Variants in COL10A1 observed in about 807,000 individuals in gnomAD.
The protein encoded by COL10A1 is collagen type X alpha 1 chain.
Under a neutral mutation model 18.2 loss-of-function variants are expected in COL10A1, and 10 were observed. The ratio of observed to expected loss-of-function variants is 0.55; its 90% CI spans 0.34 to 0.93. The LOEUF (loss-of-function observed/expected upper bound fraction) is 0.93. COL10A1 is among the 40% of genes least tolerant of loss of function. The probability of loss-of-function intolerance (pLI) is 0.02; values close to 1 mark genes in which losing one functional copy is unlikely to be tolerated. For missense variants in COL10A1, 897 were observed against 853.5 expected (o/e 1.05, Z -0.64); for synonymous variants, 330 against 316.6 (o/e 1.04, Z -0.45).
At chr6:116,162,977 A>G (rs1337525908), upstream of COL10A1, among the ~76,000 whole-genome samples, 1 of 151,726 alleles carries the variant, frequency 6.6e-6, no homozygotes, top group Non-Finnish European at 1.5e-5. Flanking sequence ...TATACAAAAA[A>G]TTAGCCAGGC....
intron 1 of COL10A1, among the ~76,000 whole-genome samples, chr6:116,140,398 A>G (rs186004588): frequency 1.1e-4 from 16 of 152,144 alleles, no homozygotes; most frequent in African/African-American, 2.9e-4. Flanking sequence ...GGTTTCCACA[A>G]TTTTCAAGAA....
Position 116,119,770 on chromosome 6 carries a change from T to C in COL10A1, c.*303A>G. The stretch of plus-strand genomic sequence containing the variant: ...TTTTTTTTTTTAATTTTTTTTTTGT[T>C]GTTTGTTTTTTGTTGTTTGTTTTTA... On this transcript the variant is annotated 3_prime_UTR_variant, in exon 3 of 3. Coordinates refer to ENST00000651968, the MANE Select transcript of COL10A1 (RefSeq NM_000493.4). The C allele has an allele frequency of 4.0e-6, 1 of 251,040 alleles. No individual in the cohort carries two copies. Among genetic ancestry groups the C allele is most frequent in the Non-Finnish European group, 7.6e-6 (1 of 131,844 alleles). The allele number at this position is 251,040 out of a possible 1,614,324, so 15.6% of individuals were successfully genotyped here. A position where few individuals can be genotyped will look rare whatever the true frequency, so the allele number is the denominator to read the frequency against.
At chr6:116,175,662 G>A in the COL10A1 span, among the ~76,000 whole-genome samples, 1 of 152,106 alleles carries the variant, frequency 6.6e-6, no homozygotes, top group Non-Finnish European at 1.5e-5. Flanking sequence ...ATTGACTACT[G>A]TTCAAGTTCA....
At chr6:116,172,063 A>G in the COL10A1 span, among the ~76,000 whole-genome samples, 1 of 152,302 alleles carries the variant, frequency 6.6e-6, no homozygotes, top group Middle Eastern at 3.4e-3. Context: ...CCATCCACAC[A>G]TCTATGGTTT....
chr6:116,178,180 T>G, the COL10A1 span, among the ~76,000 whole-genome samples: 2 of 151,422 alleles, frequency 1.3e-5, no homozygotes, highest in African/African-American at 2.4e-5. Context: ...AAGTGAAAGT[T>G]AATTTGCTTG....
chr6:116,122,020 G>T (rs1779147470), intron 2 of COL10A1, 59 bp from the exon 3 acceptor site: 3 of 1,414,112 alleles, frequency 2.1e-6, no homozygotes, highest in Non-Finnish European at 3.0e-6. Context: ...ACATTAAAGA[G>T]AATCATTGCC....
the COL10A1 span, among the ~76,000 whole-genome samples, chr6:116,170,836 G>A: frequency 1.3e-5 from 2 of 152,234 alleles, no homozygotes; most frequent in African/African-American, 2.4e-5. Context: ...ACTCCCACCT[G>A]CCGTGTAGCC....
chr6:116,145,768 AT>A (rs1410272122), intron 1 of COL10A1, among the ~76,000 whole-genome samples: 2 of 152,080 alleles, frequency 1.3e-5, no homozygotes, highest in East Asian at 1.9e-4. Flanking sequence ...TTACCAATTC[AT>A]TTTTTATTTA....
the COL10A1 span, among the ~76,000 whole-genome samples, chr6:116,213,069 C>T: frequency 6.6e-6 from 1 of 152,026 alleles, no homozygotes; most frequent in East Asian, 1.9e-4. Flanking sequence ...AAAATTGGGA[C>T]TTTATTCCAA....
the COL10A1 span, among the ~76,000 whole-genome samples, chr6:116,179,312 A>T: frequency 6.6e-6 from 1 of 152,134 alleles, no homozygotes. Flanking sequence ...TGGCAGGAGG[A>T]TTTACATTCT....
chr6:116,141,552 A>G (rs1779763879), intron 1 of COL10A1, among the ~76,000 whole-genome samples: 1 of 152,070 alleles, frequency 6.6e-6, no homozygotes, highest in Non-Finnish European at 1.5e-5. Context: ...GAATGATGGT[A>G]GAGAATGTTT....
intron 1 of COL10A1, among the ~76,000 whole-genome samples, chr6:116,156,607 A>G (rs1221953360): frequency 1.3e-5 from 2 of 152,230 alleles, no homozygotes; most frequent in Non-Finnish European, 2.9e-5. Context: ...CGTGGAGGCA[A>G]TGGTAATTTA....
At chr6:116,170,051 A>G in the COL10A1 span, among the ~76,000 whole-genome samples, 1 of 152,246 alleles carries the variant, frequency 6.6e-6, no homozygotes, top group South Asian at 2.1e-4. Context: ...ATATGGAGCC[A>G]TAAGCGACAT....
chr6:116,177,425 C>A, the COL10A1 span, among the ~76,000 whole-genome samples: 16 of 152,274 alleles, frequency 1.1e-4, no homozygotes, highest in South Asian at 8.3e-4. Context: ...TTAGAAATGG[C>A]TTCCATCTGT....
intron 2 of COL10A1, among the ~76,000 whole-genome samples, chr6:116,124,010 T>C (rs560525441): frequency 6.6e-6 from 1 of 152,198 alleles, no homozygotes; most frequent in East Asian, 1.9e-4. Context: ...TTGCTTCAAG[T>C]AAAGCGGAAG....
At chr6:116,129,215 T>C (rs1228557955), upstream of COL10A1, among the ~76,000 whole-genome samples, 1 of 152,162 alleles carries the variant, frequency 6.6e-6, no homozygotes. Flanking sequence ...TATATAGACA[T>C]GTATATACAC....
chr6:116,135,419 C>A (rs56091733), intron 1 of COL10A1, among the ~76,000 whole-genome samples: 15 of 151,972 alleles, frequency 9.9e-5, no homozygotes, highest in South Asian at 4.2e-4. Context: ...CCGCCCCCCC[C>A]ACCTTTTTAT....
At chr6:116,125,276 T>C (rs1332227978) in intron 2 of COL10A1, 63 bp downstream of exon 2, 6 of 1,564,534 alleles carry the variant, frequency 3.8e-6, no homozygotes, top group African/African-American at 2.7e-5. Flanking sequence ...TTAAAGAGAT[T>C]ATTAAGATTA....
At chr6:116,194,738 T>G in the COL10A1 span, among the ~76,000 whole-genome samples, 1 of 151,942 alleles carries the variant, frequency 6.6e-6, no homozygotes. Context: ...ATGTAAATTA[T>G]CAGAAGAGTT....
Sources: allele counts gnomAD v4.1 joint callset (sites outside exome capture counted in the v4.1 genomes callset), GRCh38; gene constraint gnomAD v4.1.1; transcripts MANE v1.5; gene names NCBI Gene and HGNC (gene_info 2026-07-23, HGNC 2026-07-21).